SND1: variants seen among roughly 807,000 people sequenced by gnomAD.
The protein encoded by SND1 is staphylococcal nuclease and tudor domain containing 1.
In SND1, 38 loss-of-function variants were observed where a neutral mutation model predicts 121.7. That is an observed-to-expected ratio of 0.31 (90% CI 0.24 to 0.41). The LOEUF (loss-of-function observed/expected upper bound fraction) is 0.41, where lower values mean the gene tolerates loss of function less well. Ranked by LOEUF, SND1 falls within the 10% of genes least tolerant of loss-of-function variation. SND1 has a pLI of 1.00. For synonymous variants in SND1, 401 were observed against 447.4 expected, an observed-to-expected ratio of 0.90 and a Z score of 1.31; for missense variants, 868 against 1,184.6, an observed-to-expected ratio of 0.73 and a Z score of 3.92.
intron 16 of SND1, among the ~76,000 whole-genome samples, chr7:128,020,352 T>G (rs1803318543): frequency 6.6e-6 from 1 of 152,196 alleles, no homozygotes; most frequent in Non-Finnish European, 1.5e-5. Context: ...TTGCCATTTC[T>G]GTAAATGGCG....
chr7:127,961,478 T>C (rs1407406057), intron 15 of SND1, among the ~76,000 whole-genome samples: 2 of 152,228 alleles, frequency 1.3e-5, no homozygotes, highest in Admixed American at 6.5e-5. Flanking sequence ...TAAAATTAAA[T>C]TCTTTGATTA....
At chr7:127,690,199 T>C (rs904812599) in intron 2 of SND1, among the ~76,000 whole-genome samples, 6 of 152,108 alleles carry the variant, frequency 3.9e-5, no homozygotes, top group Non-Finnish European at 7.4e-5. Context: ...CAAGACACTT[T>C]AGTGATTCCT....
rs1315370597 is a variant in SND1, at chr7:127,908,314, ATAAATG to A, written c.1527+3497_1527+3502del. Among the ~76,000 whole-genome samples the A allele has an allele frequency of 7.7e-4, 95 of 122,818 alleles. 3 individuals are homozygous for A. In the East Asian group the frequency reaches 0.022, roughly 29 times the overall value. 80.6% of individuals were successfully genotyped at this position (122,818 alleles called of 152,430 possible). A position where few individuals can be genotyped will look rare whatever the true frequency, so the allele number is the denominator to read the frequency against. ...CATCTCTACCAAAAAAAAAATAATA[ATAAATG>A]TGTGTGTGTGTGTGTGTGTGTGTGT... is the stretch of plus-strand genomic sequence containing the variant. On this transcript the variant is annotated intron_variant, in intron 14 of 23. Transcript: ENST00000354725.
At chr7:128,024,038 GTGCTTGTAAGCACTA>G (rs1208506951) in intron 16 of SND1, among the ~76,000 whole-genome samples, 1 of 145,242 alleles carries the variant, frequency 6.9e-6, no homozygotes, top group East Asian at 1.9e-4. Context: ...TACAGAGTCT[GTGCTTGTAAGCACTA>G]TGCTATATTG....
chr7:127,655,762 A>AC (rs1241922817), intron 1 of SND1, among the ~76,000 whole-genome samples: 3 of 151,796 alleles, frequency 2.0e-5, no homozygotes, highest in South Asian at 4.2e-4. Flanking sequence ...AAATTGAGTC[A>AC]CCCCCCTTAG....
At chr7:128,086,898 A>C (rs760390329) in intron 20 of SND1, 40 bp from the exon 21 acceptor site, 13 of 1,497,724 alleles carry the variant, frequency 8.7e-6, no homozygotes, top group Admixed American at 3.3e-5. Flanking sequence ...GCAAGGGGGC[A>C]GCGAGTATGT....
intron 10 of SND1, among the ~76,000 whole-genome samples, chr7:127,767,525 G>A (rs940840753): frequency 6.6e-5 from 10 of 152,314 alleles, no homozygotes; most frequent in East Asian, 1.9e-4. Context: ...TAATGAAAGT[G>A]ATTAAGAAGG....
intron 11 of SND1, among the ~76,000 whole-genome samples, chr7:127,825,959 AGGC>A: frequency 6.6e-6 from 1 of 152,204 alleles, no homozygotes; most frequent in East Asian, 1.9e-4. Flanking sequence ...TGGGAAGCCG[AGGC>A]GGTGGATCAC....
At chr7:127,809,798 A>G (rs1459394590) in intron 11 of SND1, among the ~76,000 whole-genome samples, 1 of 152,248 alleles carries the variant, frequency 6.6e-6, no homozygotes, top group Non-Finnish European at 1.5e-5. Flanking sequence ...GACTGAAGGT[A>G]AACTGCTAAG....
intron 10 of SND1, among the ~76,000 whole-genome samples, chr7:127,777,434 C>G (rs1055139104): frequency 2.6e-5 from 4 of 152,186 alleles, no homozygotes; most frequent in Non-Finnish European, 5.9e-5. Flanking sequence ...GAGATTCTTT[C>G]AGCTTTGTAG....
At chr7:127,756,328 T>G in intron 10 of SND1, among the ~76,000 whole-genome samples, 1 of 152,204 alleles carries the variant, frequency 6.6e-6, no homozygotes, top group East Asian at 1.9e-4. Flanking sequence ...CTTGAATTGT[T>G]GACTAGGATT....
intron 3 of SND1, 59 bp from the exon 4 acceptor site, chr7:127,698,816 C>T: frequency 1.4e-6 from 2 of 1,389,354 alleles, no homozygotes; most frequent in Non-Finnish European, 2.0e-6. Context: ...CATTTGGGCT[C>T]TGTTGCTGTT....
intron 15 of SND1, among the ~76,000 whole-genome samples, chr7:127,954,987 G>A (rs1200755191): frequency 6.6e-6 from 1 of 152,152 alleles, no homozygotes; most frequent in African/African-American, 2.4e-5. Flanking sequence ...AGTATCTGCA[G>A]TGGGATCCTG....
intron 10 of SND1, among the ~76,000 whole-genome samples, chr7:127,733,762 G>T (rs750266486): frequency 8.5e-5 from 13 of 152,122 alleles, no homozygotes; most frequent in Non-Finnish European, 1.9e-4. Flanking sequence ...GAGTCGCATT[G>T]TGTATTTGGG....
At chr7:127,999,405 A>AG (rs1802763842) in intron 16 of SND1, 1 of 150,638 alleles carries the variant, frequency 6.6e-6, no homozygotes, top group African/African-American at 2.4e-5. Context: ...AAAAAAAAAA[A>AG]GGAAGAAATA....
intron 12 of SND1, among the ~76,000 whole-genome samples, chr7:127,878,385 C>T (rs1424021061): frequency 6.6e-6 from 1 of 152,184 alleles, no homozygotes. Context: ...CATACCTGCC[C>T]ATTCATGAGT....
intron 1 of SND1, among the ~76,000 whole-genome samples, chr7:127,685,101 T>A (rs1247816347): frequency 6.6e-6 from 1 of 152,180 alleles, no homozygotes; most frequent in Non-Finnish European, 1.5e-5. Context: ...GTGCAGTATT[T>A]CAGTTCTTAA....
intron 12 of SND1, among the ~76,000 whole-genome samples, chr7:127,854,292 C>A (rs1265257947): frequency 6.6e-6 from 1 of 152,072 alleles, no homozygotes; most frequent in Non-Finnish European, 1.5e-5. Flanking sequence ...CCACGCCTGG[C>A]TGATTTTTGC....
chr7:127,851,143 C>T (rs921729922), intron 12 of SND1, among the ~76,000 whole-genome samples: 1 of 152,182 alleles, frequency 6.6e-6, no homozygotes, highest in East Asian at 1.9e-4. Context: ...CATAATGGCA[C>T]CCTTGAATCC....
Sources: allele counts gnomAD v4.1 joint callset (sites outside exome capture counted in the v4.1 genomes callset), GRCh38; gene constraint gnomAD v4.1.1; transcripts MANE v1.5; gene names NCBI Gene and HGNC (gene_info 2026-07-23, HGNC 2026-07-21).